Variants in HYAL4 observed in about 807,000 individuals in gnomAD.
HYAL4 encodes hyaluronidase 4, also known as hyaluronidase-4.
In HYAL4, 37 loss-of-function variants were observed where a neutral mutation model predicts 35.2. The ratio of observed to expected loss-of-function variants is 1.05; its 90% CI spans 0.81 to 1.38. HYAL4 has a LOEUF of 1.38. Ranked by LOEUF, HYAL4 falls within the 40% of genes most tolerant of loss-of-function variation. The pLI, the probability that HYAL4 is intolerant of heterozygous loss-of-function variation, is 0.00. For missense variants in HYAL4, 572 were observed against 572.4 expected, an observed-to-expected ratio of 1.00 and a Z score of 0.01; for synonymous variants, 198 against 203.2, an observed-to-expected ratio of 0.97 and a Z score of 0.22.
chr7:123,830,168 T>TA (rs1257753638), intron 1 of HYAL4, among the ~76,000 whole-genome samples: 1 of 152,214 alleles, frequency 6.6e-6, no homozygotes. Context: ...TCGTAGTTTA[T>TA]TTTAACTTGA....
chr7:123,840,923 T>C (rs1432483507), upstream of HYAL4, among the ~76,000 whole-genome samples: 2 of 152,076 alleles, frequency 1.3e-5, no homozygotes, highest in Non-Finnish European at 2.9e-5. Context: ...TACAATCATG[T>C]CATCTACAAA....
chr7:123,799,186 TGACG>T, the HYAL4 span, among the ~76,000 whole-genome samples: 1 of 151,836 alleles, frequency 6.6e-6, no homozygotes, highest in Admixed American at 6.6e-5. Context: ...CATTTCTCTC[TGACG>T]GATTCACATT....
At chr7:123,869,842 C>T (rs935711380) in intron 3 of HYAL4, among the ~76,000 whole-genome samples, 7 of 147,594 alleles carry the variant, frequency 4.7e-5, no homozygotes, top group Non-Finnish European at 1.5e-5. Context: ...TGCTCACCCC[C>T]CCCCACCCAG....
At chr7:123,849,283 CT>C (rs1806245108) in intron 2 of HYAL4, among the ~76,000 whole-genome samples, 23 of 151,904 alleles carry the variant, frequency 1.5e-4, no homozygotes, top group African/African-American at 4.6e-4. Context: ...CTCTCTCTCT[CT>C]CCCTCTCTCT....
the HYAL4 span, chr7:123,819,320 C>T: frequency 6.6e-6 from 1 of 152,532 alleles, no homozygotes; most frequent in African/African-American, 2.4e-5. Context: ...GGAAACTACT[C>T]CTGATACCTC....
rs557139220 is a variant in HYAL4, at chr7:123,854,458, C to T, written c.-52+6300C>T. Reference sequence around the variant, plus strand: ...TTGGTTTCAAAGAACTTATTTATTTCTGCCTTCATTTCATTATTTACCCAG... The same window carrying T: ...TTGGTTTCAAAGAACTTATTTATTTTTGCCTTCATTTCATTATTTACCCAG... On this transcript the variant is annotated intron_variant, in intron 2 of 4. Transcript: ENST00000223026. 6.6e-5 allele frequency among the ~76,000 whole-genome samples: 10 copies of T among 152,258 alleles called. No individual in the cohort carries two copies. In the South Asian group the frequency reaches 2.1e-3, roughly 32 times the overall value.
chr7:123,796,486 G>A, the HYAL4 span, among the ~76,000 whole-genome samples: 1 of 152,176 alleles, frequency 6.6e-6, no homozygotes, highest in African/African-American at 2.4e-5. Context: ...GGCATAATTT[G>A]CCCAAGACAA....
intron 2 of HYAL4, among the ~76,000 whole-genome samples, chr7:123,857,669 G>GTTTGTTTCTTTCTTTC (rs1283770130): frequency 9.8e-4 from 122 of 124,730 alleles, no homozygotes; most frequent in East Asian, 1.8e-3. Context: ...TTCTTTGTTT[G>GTTTGTTTCTTTCTTTC]TTTCTTTCTT....
chr7:123,876,541 A>G (rs1029285158), intron 4 of HYAL4, among the ~76,000 whole-genome samples: 1 of 151,998 alleles, frequency 6.6e-6, no homozygotes, highest in Non-Finnish European at 1.5e-5. Flanking sequence ...TGCCCCTCAG[A>G]CCTCTCCCCT....
chr7:123,767,688 G>A, the HYAL4 span, among the ~76,000 whole-genome samples: 20 of 152,238 alleles, frequency 1.3e-4, no homozygotes, highest in East Asian at 3.9e-4. Flanking sequence ...ACCAATCACC[G>A]TGGCATGACA....
At chr7:123,787,107 CAAAA>C in the HYAL4 span, among the ~76,000 whole-genome samples, 4,196 of 49,044 alleles carry the variant, frequency 0.086, 101 homozygotes, top group African/African-American at 0.17. Context: ...AACTCTGTCT[CAAAA>C]AAAAAAAAAA....
chr7:123,778,439 C>A, the HYAL4 span, among the ~76,000 whole-genome samples: 1 of 152,124 alleles, frequency 6.6e-6, no homozygotes, highest in East Asian at 1.9e-4. Flanking sequence ...ATTGCCATGT[C>A]TTTTTTAGTT....
upstream of HYAL4, among the ~76,000 whole-genome samples, chr7:123,827,787 C>T (rs1197304569): frequency 6.6e-6 from 1 of 152,018 alleles, no homozygotes; most frequent in African/African-American, 2.4e-5. Context: ...TCTGGGGCCT[C>T]CTCTTACTGA....
intron 2 of HYAL4, among the ~76,000 whole-genome samples, chr7:123,848,765 A>G (rs1293470360): frequency 3.3e-5 from 5 of 152,196 alleles, no homozygotes. Context: ...TATACTTACC[A>G]TGATGGTCAA....
chr7:123,817,076 C>T, the HYAL4 span, among the ~76,000 whole-genome samples: 2 of 152,156 alleles, frequency 1.3e-5, no homozygotes, highest in Admixed American at 1.3e-4. Flanking sequence ...TTACTCATTG[C>T]AGTCTGTGAG....
intron 1 of HYAL4, 111 bp downstream of exon 1, chr7:123,845,796 G>C (rs1030965963): frequency 1.3e-5 from 2 of 152,202 alleles, no homozygotes; most frequent in South Asian, 4.1e-4. Flanking sequence ...CAGAGGGATG[G>C]TATAGGGCTC....
chr7:123,793,990 T>C, the HYAL4 span, among the ~76,000 whole-genome samples: 1 of 152,186 alleles, frequency 6.6e-6, no homozygotes. Context: ...GTGAGAAAGT[T>C]TGGAATTTCC....
At chr7:123,838,720 C>T (rs888329802) in intron 1 of HYAL4, among the ~76,000 whole-genome samples, 17 of 152,152 alleles carry the variant, frequency 1.1e-4, no homozygotes, top group African/African-American at 3.4e-4. Flanking sequence ...AATTATTCCC[C>T]CGAATATGTT....
At position 123,832,479 on chromosome 7, in the gene HYAL4, C is replaced by CTTTTTTTTTTTTTTTTT. The variant is rs71163703; in HGVS notation, c.-257+3377_-257+3393dup. 1.1e-3 allele frequency among the ~76,000 whole-genome samples: 25 copies of CTTTTTTTTTTTTTTTTT among 21,838 alleles called. 7 individuals carry two copies. The highest frequency in any genetic ancestry group is 3.4e-3 in the East Asian group (2 of 580). The allele number at this position is 21,838 out of a possible 152,430, so 14.3% of individuals were successfully genotyped here. A position where few individuals can be genotyped will look rare whatever the true frequency, so the allele number is the denominator to read the frequency against. On this transcript the variant is annotated intron_variant, in intron 1 of 4. Transcript: ENST00000489978. ...AGTCCCCAAAGTCTATTGTGTCATA[C>CTTTTTTTTTTTTTTTTT]TTTTTTTTTTTTTTTTTTTTTTTTT...
Sources: allele counts gnomAD v4.1 joint callset (sites outside exome capture counted in the v4.1 genomes callset), GRCh38; gene constraint gnomAD v4.1.1; transcripts MANE v1.5; gene names NCBI Gene and HGNC (gene_info 2026-07-23, HGNC 2026-07-21).